Variants in TENM1 observed in about 807,000 individuals in gnomAD.
The protein encoded by TENM1 is teneurin transmembrane protein 1, also known as teneurin-1.
In TENM1, 35 loss-of-function variants were observed where a neutral mutation model predicts 174.8. The observed-to-expected ratio is 0.20, with a 90% CI of 0.15 to 0.27. The LOEUF (loss-of-function observed/expected upper bound fraction) is 0.27, where lower values mean the gene tolerates loss of function less well. Among genes scored for constraint, TENM1 ranks in the 10% least tolerant of loss-of-function variants. The pLI is 1.00. For missense variants in TENM1, 1,633 were observed against 2,130.1 expected (o/e 0.77, Z 4.59); for synonymous variants, 781 against 798.7 (o/e 0.98, Z 0.37).
intron 22 of TENM1, among the ~76,000 whole-genome samples, chrX:124,464,119 G>C (rs924442975): frequency 9.0e-6 from 1 of 110,890 alleles, no homozygotes; most frequent in African/African-American, 3.3e-5. Context: ...ACACTACTCA[G>C]ATACATTTGA....
chrX:125,168,649 A>G, the TENM1 span, among the ~76,000 whole-genome samples: 2 of 110,728 alleles, frequency 1.8e-5, no homozygotes, highest in African/African-American at 6.6e-5. Flanking sequence ...GGTTAAAGTC[A>G]CTCCCAAAAT....
chrX:124,955,264 G>A (rs1306848853), intron 1 of TENM1, among the ~76,000 whole-genome samples: 2 of 111,217 alleles, frequency 1.8e-5, no homozygotes, highest in Non-Finnish European at 3.8e-5. Flanking sequence ...TTAAATGCCT[G>A]AGTCCCGCCC....
chrX:125,011,334 GA>G, the TENM1 span, among the ~76,000 whole-genome samples: 13 of 111,986 alleles, frequency 1.2e-4, no homozygotes, highest in Non-Finnish European at 2.4e-4. Flanking sequence ...TTGACAAATG[GA>G]TCTAATTAAA....
chrX:124,905,136 T>C (rs62604304), intron 1 of TENM1, among the ~76,000 whole-genome samples: 22,738 of 108,545 alleles, frequency 0.21, 2,901 homozygotes, highest in African/African-American at 0.48. Flanking sequence ...CCAGGCTGAG[T>C]AACAAAGTGA....
At chrX:124,731,935 C>T (rs939722278) in intron 4 of TENM1, among the ~76,000 whole-genome samples, 5 of 111,541 alleles carry the variant, frequency 4.5e-5, no homozygotes, top group African/African-American at 1.6e-4. Flanking sequence ...GAGATCTAAC[C>T]CTAATCTGGT....
chrX:124,581,360 C>T (rs112320481), intron 11 of TENM1, among the ~76,000 whole-genome samples: 5,453 of 110,970 alleles, frequency 0.049, 176 homozygotes, highest in African/African-American at 0.11. Context: ...CCACTGCACC[C>T]GGCCTATTTA....
At chrX:124,755,820 G>A (rs5956687) in intron 3 of TENM1, among the ~76,000 whole-genome samples, 13,240 of 106,551 alleles carry the variant, frequency 0.12, 1,332 homozygotes, top group African/African-American at 0.29. Flanking sequence ...ATTGGCTCCC[G>A]CTCTCTTCTG....
chrX:125,162,254 G>A, the TENM1 span, among the ~76,000 whole-genome samples: 1 of 111,747 alleles, frequency 8.9e-6, no homozygotes, highest in African/African-American at 3.3e-5. Context: ...AAGCATTTGA[G>A]CACTCTCAGA....
At chrX:124,991,287 C>A in the TENM1 span, among the ~76,000 whole-genome samples, 1 of 111,449 alleles carries the variant, frequency 9.0e-6, no homozygotes. Context: ...ACAAACCATG[C>A]AGCAACCATC....
chrX:125,180,437 G>T, the TENM1 span, among the ~76,000 whole-genome samples: 1 of 102,415 alleles, frequency 9.8e-6, no homozygotes, highest in Non-Finnish European at 2.0e-5. Context: ...GCAATTTTGG[G>T]AGGCCAAAGC....
At chrX:125,140,387 G>A in the TENM1 span, among the ~76,000 whole-genome samples, 91 of 111,760 alleles carry the variant, frequency 8.1e-4, no homozygotes, top group South Asian at 4.1e-3. Context: ...TAAAAAAGTT[G>A]ATCTCATGGA....
chrX:125,200,972 G>A, the TENM1 span, among the ~76,000 whole-genome samples: 2 of 111,625 alleles, frequency 1.8e-5, no homozygotes, highest in Non-Finnish European at 3.8e-5. Flanking sequence ...CATAGAATAT[G>A]AAAAATGTTT....
At chrX:124,867,726 A>G (rs2057033576) in intron 3 of TENM1, among the ~76,000 whole-genome samples, 1 of 112,263 alleles carries the variant, frequency 8.9e-6, no homozygotes, top group East Asian at 2.8e-4. Context: ...ATGTAATCTT[A>G]TTTGGAAAAA....
intron 5 of TENM1, among the ~76,000 whole-genome samples, chrX:124,686,886 C>T (rs2052379008): frequency 8.9e-6 from 1 of 111,744 alleles, no homozygotes; most frequent in Non-Finnish European, 1.9e-5. Flanking sequence ...TCTCTCACCA[C>T]TCCTATTCAA....
At chrX:124,579,112 G>A (rs1391171637) in intron 11 of TENM1, among the ~76,000 whole-genome samples, 1 of 111,321 alleles carries the variant, frequency 9.0e-6, no homozygotes, top group Non-Finnish European at 1.9e-5. Flanking sequence ...TACAAATGTT[G>A]CTCATGTTAC....
chrX:124,973,448 A>G, the TENM1 span, among the ~76,000 whole-genome samples: 9 of 111,656 alleles, frequency 8.1e-5, no homozygotes, highest in South Asian at 7.5e-4. Context: ...AAGAAAGTCA[A>G]TGGTAGCTTG....
chrX:125,082,520 T>C, the TENM1 span, among the ~76,000 whole-genome samples: 1 of 111,324 alleles, frequency 9.0e-6, no homozygotes, highest in Non-Finnish European at 1.9e-5. Flanking sequence ...TAATAGTGCA[T>C]GCTTAATACC....
At chrX:124,454,489 C>T (rs1461386945) in intron 22 of TENM1, among the ~76,000 whole-genome samples, 3 of 110,791 alleles carry the variant, frequency 2.7e-5, no homozygotes, top group Non-Finnish European at 5.7e-5. Context: ...CTGCAACCTC[C>T]GCCTCCTGGG....
At chrX:124,710,545 A>G (rs1193172483) in intron 4 of TENM1, among the ~76,000 whole-genome samples, 4 of 112,040 alleles carry the variant, frequency 3.6e-5, no homozygotes, top group Non-Finnish European at 7.5e-5. Context: ...AATAATCAAT[A>G]TCCCTGAGCC....
Sources: gnomAD v4.1 joint callset for allele counts (sites outside exome capture counted in the v4.1 genomes callset) on GRCh38, gnomAD v4.1.1 for gene constraint, MANE v1.5 for transcripts, NCBI Gene and HGNC (gene_info 2026-07-23, HGNC 2026-07-21) for gene names.